STK36: variants seen among roughly 807,000 people sequenced by gnomAD.
STK36 encodes serine/threonine kinase 36.
Under a neutral mutation model 142.2 loss-of-function variants are expected in STK36, and 116 were observed. The observed-to-expected ratio is 0.82, with a 90% CI of 0.70 to 0.95. STK36 has a LOEUF of 0.95. Ranked by LOEUF, STK36 falls within the 40% of genes least tolerant of loss-of-function variation. The probability of loss-of-function intolerance (pLI) is 0.00; values close to 1 mark genes in which losing one functional copy is unlikely to be tolerated. For missense variants in STK36, 1,422 were observed against 1,617.2 expected (o/e 0.88, Z 2.07); for synonymous variants, 619 against 641.7 (o/e 0.96, Z 0.53).
intron 9 of STK36, 52 bp downstream of exon 9, chr2:218,680,132 T>C (rs1413253635): frequency 1.3e-6 from 2 of 1,563,816 alleles, no homozygotes; most frequent in East Asian, 2.2e-5. Flanking sequence ...TGCACATCTT[T>C]AACTCTAGCC....
In STK36 at chr2:218,672,096, G is replaced by C. The variant is rs957693101; in HGVS notation, c.-209G>C. The C allele has an allele frequency of 5.0e-6, 6 of 1,200,718 alleles. No individual in the cohort carries two copies. In the South Asian group the frequency reaches 5.3e-5, roughly 11 times the overall value. The allele number at this position is 1,200,718 out of a possible 1,614,324, so 74.4% of individuals were successfully genotyped here. A position where few individuals can be genotyped will look rare whatever the true frequency, so the allele number is the denominator to read the frequency against. Reference sequence around the variant, plus strand: ...AGACTCCGGGTCCTTAGCCGGGCCTGATGGCCCTGAGGCAGTTCGGATGTG... The same window carrying C: ...AGACTCCGGGTCCTTAGCCGGGCCTCATGGCCCTGAGGCAGTTCGGATGTG... On this transcript the variant is annotated 5_prime_UTR_variant, in exon 1 of 27. Transcript: ENST00000295709.
intron 10 of STK36, among the ~76,000 whole-genome samples, chr2:218,683,163 A>G (rs1435155935): frequency 2.0e-5 from 3 of 152,138 alleles, no homozygotes; most frequent in Non-Finnish European, 4.4e-5. Flanking sequence ...AGGGTGGACT[A>G]TAGTGGTGCA....
At chr2:218,699,497 C>G (rs1257721681) in intron 26 of STK36, 149 bp downstream of exon 26, 52 of 1,231,330 alleles carry the variant, frequency 4.2e-5, no homozygotes, top group Non-Finnish European at 5.7e-5. Context: ...AGTGAGTTTT[C>G]TAGTTACATC....
rs1940425517 is a variant in STK36, at chr2:218,679,745, G to A, written c.948+16G>A. Reference sequence around the variant, plus strand: ...CATGCAGAAGGTGTGTGGGGCAGAGGAAAATATGTGAAATGACCAGGCTAG... The same window carrying A: ...CATGCAGAAGGTGTGTGGGGCAGAGAAAAATATGTGAAATGACCAGGCTAG... On this transcript the variant is annotated intron_variant, in intron 8 of 26. Coordinates refer to ENST00000295709, the MANE Select transcript of STK36 (RefSeq NM_015690.5). 1 of 1,613,984 alleles carries A rather than the reference G, an allele frequency of 6.2e-7. No homozygotes were observed. Among genetic ancestry groups the A allele is most frequent in the Admixed American group, 1.7e-5 (1 of 60,006 alleles).
intron 11 of STK36, 42 bp downstream of exon 11, chr2:218,685,270 T>C (rs749962399): frequency 6.2e-7 from 1 of 1,608,714 alleles, no homozygotes; most frequent in Non-Finnish European, 8.5e-7. Flanking sequence ...CAAGACTGTT[T>C]TCACAGATGG....
chr2:218,698,298 T>G (rs1310116602), intron 25 of STK36, among the ~76,000 whole-genome samples: 1 of 152,204 alleles, frequency 6.6e-6, no homozygotes, highest in African/African-American at 2.4e-5. Context: ...CCAGGAATCA[T>G]GTTTCTGGCA....
At chr2:218,681,655 T>C (rs1179723267) in intron 10 of STK36, among the ~76,000 whole-genome samples, 2 of 152,176 alleles carry the variant, frequency 1.3e-5, no homozygotes, top group Non-Finnish European at 2.9e-5. Context: ...TGCCAGCAGA[T>C]TGGGTCATAG....
rs1940719919 is a variant in STK36 at position 218,685,147 on chromosome 2, A to G, written c.1299A>G (p.Gln433=). 10 of 1,614,168 alleles carry G rather than the reference A, an allele frequency of 6.2e-6. No homozygotes were observed. The Middle Eastern group carries it at 4.9e-4, about 80-fold the overall frequency. Residue 433 remains glutamine, a synonymous_variant, in exon 11 of 27, where the codon CAA becomes CAG. Coordinates refer to ENST00000295709, the MANE Select transcript of STK36 (RefSeq NM_015690.5). Reference sequence around the variant, plus strand: ...AGACCACTGAGCCTGTGCCTATTCAACTGAAGGCTCCTCTCACCTTGCTGT... The same window carrying G: ...AGACCACTGAGCCTGTGCCTATTCAGCTGAAGGCTCCTCTCACCTTGCTGT... ...LLETTEPVPI[Q]LKAPLTLLCN... is the part of the protein sequence containing the mutation.
chr2:218,679,888 C>T lies in STK36; in HGVS notation c.949-5C>T. On this transcript the variant is annotated splice_polypyrimidine_tract_variant and splice_region_variant and intron_variant, in intron 8 of 26. Transcript: ENST00000295709. ...TGATTCAGTGTTGCCCCCTACCTCC[C>T]ACAGAAACATCAGAACACAGGACCT... The T allele has an allele frequency of 6.2e-7, 1 of 1,612,264 alleles. No homozygotes were observed. Among genetic ancestry groups the T allele is most frequent in the South Asian group, 1.1e-5 (1 of 90,948 alleles).
rs751541242 is a variant in STK36, at chr2:218,690,516, A to G, written c.1725A>G (p.Pro575=). ...LDLLGKLLAQ[P]DDSEQTLRRD... ...TGTTGGGGAAACTGCTGGCCCAACCAGATGACTCTGAGCAGACTTTGCGGA... is the reference window on the plus strand; with the variant it reads ...TGTTGGGGAAACTGCTGGCCCAACCGGATGACTCTGAGCAGACTTTGCGGA... The change falls in exon 14 of 27, where the codon CCA becomes CCG. Residue 575 remains proline (P), a synonymous_variant. Coordinates refer to ENST00000295709, the MANE Select transcript of STK36 (RefSeq NM_015690.5). 1.9e-6 allele frequency: 3 copies of G among 1,614,104 alleles called. No homozygotes were observed. The highest frequency in any genetic ancestry group is 4.5e-5 in the East Asian group (2 of 44,904).
chr2:218,684,816 T>G (rs569899429), intron 10 of STK36: 4 of 331,214 alleles, frequency 1.2e-5, no homozygotes, highest in African/African-American at 6.2e-5. Flanking sequence ...TTTTCCTTTT[T>G]AAAATTATTA....
intron 13 of STK36, 140 bp downstream of exon 13, chr2:218,690,096 A>C (rs181107022): frequency 2.5e-6 from 2 of 812,512 alleles, no homozygotes; most frequent in African/African-American, 3.4e-5. Flanking sequence ...GTGGCCACTC[A>C]TAGTCCTTTT....
chr2:218,685,210 G>T lies in STK36; in HGVS notation c.1362G>T (p.Leu454=). Residue 454 remains leucine (L), a synonymous_variant, in exon 11 of 27, where the codon CTG becomes CTT. Transcript: ENST00000295709. ...TCTGCCAGCGCATCCAGAGTCAGCTGCATGAAGCTGGAGGGCAGGTAATGG... is the reference window on the plus strand; with the variant it reads ...TCTGCCAGCGCATCCAGAGTCAGCTTCATGAAGCTGGAGGGCAGGTAATGG... ...PDFCQRIQSQ[L]HEAGGQILKG... 1 of 1,614,216 alleles carries T rather than the reference G, an allele frequency of 6.2e-7. No homozygotes were observed.
At chr2:218,684,006 C>G (rs1425029471) in intron 10 of STK36, among the ~76,000 whole-genome samples, 1 of 150,492 alleles carries the variant, frequency 6.6e-6, no homozygotes, top group African/African-American at 2.5e-5. Flanking sequence ...ACTATATTGC[C>G]CAGGCTGGTC....
At chr2:218,699,982 G>A (rs566391570) in intron 26 of STK36, among the ~76,000 whole-genome samples, 3 of 151,498 alleles carry the variant, frequency 2.0e-5, no homozygotes, top group African/African-American at 7.3e-5. Context: ...CGGAGTGCAT[G>A]GCATGATCTC....
At chr2:218,701,839 T>G in intron 26 of STK36, 27 bp from the exon 27 acceptor site, 1 of 1,612,968 alleles carries the variant, frequency 6.2e-7, no homozygotes, top group Non-Finnish European at 8.5e-7. Flanking sequence ...TCATGTTCTG[T>G]TCTATCATCT....
chr2:218,696,703 C>T (rs572606433), intron 22 of STK36, 102 bp downstream of exon 22: 113 of 1,235,524 alleles, frequency 9.1e-5, no homozygotes, highest in Non-Finnish European at 1.3e-4. Context: ...CACAGCCTTC[C>T]CTCTCAAGCT....
chr2:218,701,011 CA>C (rs11301260), intron 26 of STK36, among the ~76,000 whole-genome samples: 8,676 of 80,084 alleles, frequency 0.11, 705 homozygotes, highest in African/African-American at 0.31. Flanking sequence ...GACTCTGTCT[CA>C]AAAAAAAAAA....
In STK36 at chr2:218,692,637, C is replaced by T. The variant is rs1941053095; in HGVS notation, c.1970C>T (p.Ala657Val). The T allele has an allele frequency of 6.2e-7, 1 of 1,613,626 alleles. No homozygotes were observed. The highest frequency in any genetic ancestry group is 1.3e-5 in the African/African-American group (1 of 74,926). The change falls in exon 16 of 27, where the codon GCC (alanine) becomes GTC (valine). Residue 657 changes from alanine (A) to valine (V), a missense_variant. By Grantham distance (64) the Ala-to-Val change is moderately conservative. This residue lies in a region of STK36 where 962 missense variants were observed against 1,167.5 expected (regional missense o/e 0.82). Transcript: ENST00000295709. ...LREQSEDIPGAISSALAAICT... is the reference protein window; with the variant it reads ...LREQSEDIPGVISSALAAICT... ...GAGCAGAGTGAGGATATACCTGGAG[C>T]CATTTCCTCTGCCCTGGCAGCCATA... is the stretch of plus-strand genomic sequence containing the variant.
Sources: gnomAD v4.1 joint callset for allele counts (sites outside exome capture counted in the v4.1 genomes callset) on GRCh38, gnomAD v4.1.1 for gene constraint, gnomAD v4.1.1 regional missense constraint, MANE v1.5 for transcripts, NCBI Gene and HGNC (gene_info 2026-07-23, HGNC 2026-07-21) for gene names.